The following CACHD1 variants were observed in gnomAD, a reference collection of about 807,000 sequenced individuals.
CACHD1 encodes the protein VWFA and cache domain-containing protein 1.
A neutral mutation model predicts 138.7 loss-of-function variants in CACHD1; 71 were observed. That is an observed-to-expected ratio of 0.51 (90% CI 0.42 to 0.62). CACHD1 has a LOEUF of 0.62. Ranked by LOEUF, CACHD1 falls within the 20% of genes least tolerant of loss-of-function variation. CACHD1 has a pLI of 0.00. For missense variants in CACHD1, 1,389 were observed against 1,625.3 expected (o/e 0.85, Z 2.50); for synonymous variants, 578 against 591.5 (o/e 0.98, Z 0.33).
At chr1:64,591,863 TG>T (rs1647109015) in intron 3 of CACHD1, among the ~76,000 whole-genome samples, 1 of 152,238 alleles carries the variant, frequency 6.6e-6, no homozygotes, top group Non-Finnish European at 1.5e-5. Flanking sequence ...TTGTTCTTTA[TG>T]TACTCTCTCA....
intron 5 of CACHD1, among the ~76,000 whole-genome samples, chr1:64,630,659 T>C (rs1002701442): frequency 1.3e-5 from 2 of 152,162 alleles, no homozygotes; most frequent in African/African-American, 4.8e-5. Flanking sequence ...CTTGGGTGTC[T>C]TGGAGACTGG....
intron 2 of CACHD1, among the ~76,000 whole-genome samples, chr1:64,574,101 T>C (rs1248486843): frequency 6.6e-6 from 1 of 152,210 alleles, no homozygotes; most frequent in South Asian, 2.1e-4. Context: ...GAGTAGAATT[T>C]AGATAATTTG....
chr1:64,543,866 C>CTTTTTTTTTTTTT (rs370129207), intron 1 of CACHD1, among the ~76,000 whole-genome samples: 7 of 77,504 alleles, frequency 9.0e-5, no homozygotes, highest in Non-Finnish European at 1.4e-4. Flanking sequence ...CTTTTCAGTG[C>CTTTTTTTTTTTTT]TTTTTTTTTT....
At chr1:64,610,408 G>C (rs965054868) in intron 4 of CACHD1, among the ~76,000 whole-genome samples, 3 of 152,294 alleles carry the variant, frequency 2.0e-5, no homozygotes, top group Middle Eastern at 3.4e-3. Context: ...AAAATCAAAA[G>C]CAAGTTAGTT....
intron 1 of CACHD1, among the ~76,000 whole-genome samples, chr1:64,547,299 A>G (rs1026563820): frequency 2.6e-5 from 4 of 152,214 alleles, no homozygotes; most frequent in African/African-American, 9.6e-5. Context: ...GACCTAGAGC[A>G]TAGTGAAAAT....
chr1:64,648,037 G>A lies in CACHD1; in HGVS notation c.1390+3G>A, dbSNP rs747977335. ...CTTCTCTGATGAGATGGGAGATGGTGAGTTTGGATAAACGTCATTTTAAAG... is the reference window on the plus strand; with the variant it reads ...CTTCTCTGATGAGATGGGAGATGGTAAGTTTGGATAAACGTCATTTTAAAG... On this transcript the variant is annotated splice_donor_region_variant and intron_variant, in intron 9 of 26. Coordinates refer to ENST00000651257, the MANE Select transcript of CACHD1 (RefSeq NM_020925.4). 2.5e-6 allele frequency: 4 copies of A among 1,604,964 alleles called. No homozygotes were observed. The highest frequency in any genetic ancestry group is 2.2e-5 in the East Asian group (1 of 44,722).
At chr1:64,581,142 A>T (rs1647009435) in intron 2 of CACHD1, among the ~76,000 whole-genome samples, 1 of 152,168 alleles carries the variant, frequency 6.6e-6, no homozygotes, top group Non-Finnish European at 1.5e-5. Context: ...TTTAATTGAG[A>T]CCCTGAAAGC....
intron 1 of CACHD1, among the ~76,000 whole-genome samples, chr1:64,507,638 C>T (rs1646387833): frequency 6.6e-6 from 1 of 152,102 alleles, no homozygotes; most frequent in Non-Finnish European, 1.5e-5. Context: ...AATGTGGAAA[C>T]TCAGGTTGTA....
intron 7 of CACHD1, among the ~76,000 whole-genome samples, chr1:64,636,128 G>C (rs1391826783): frequency 6.6e-6 from 1 of 151,260 alleles, no homozygotes; most frequent in African/African-American, 2.4e-5. Flanking sequence ...AAAAAAATCT[G>C]TTTATAGTTT....
chr1:64,568,782 A>T (rs898591464), intron 2 of CACHD1, among the ~76,000 whole-genome samples: 5 of 152,312 alleles, frequency 3.3e-5, no homozygotes, highest in Admixed American at 1.3e-4. Flanking sequence ...ACACTCATGC[A>T]CACACCCTGT....
At chr1:64,614,171 T>C (rs936851080) in intron 4 of CACHD1, among the ~76,000 whole-genome samples, 1 of 152,258 alleles carries the variant, frequency 6.6e-6, no homozygotes, top group Admixed American at 6.5e-5. Flanking sequence ...CACTAAGTAC[T>C]AGACCCCTGG....
In CACHD1 at chr1:64,511,148, G is replaced by C. The variant is rs149047517; in HGVS notation, c.199-39446G>C. On this transcript the variant is annotated intron_variant, in intron 1 of 26. Coordinates refer to ENST00000651257, the MANE Select transcript of CACHD1 (RefSeq NM_020925.4). ...TAAAGCAGATGGAGTACGGTATGTA[G>C]TAGGTTTGCAAATGAAGGAGACTAA... is the stretch of plus-strand genomic sequence containing the variant. 2.0e-3 allele frequency among the ~76,000 whole-genome samples: 302 copies of C among 152,354 alleles called. 1 individual carries two copies. The highest frequency in any genetic ancestry group is 6.9e-3 in the African/African-American group (288 of 41,586).
rs192984464 is a variant in CACHD1 at position 64,690,632 on chromosome 1, G to C, written c.3587-691G>C. On this transcript the variant is annotated intron_variant, in intron 26 of 26. Transcript: ENST00000651257. The stretch of plus-strand genomic sequence containing the variant: ...TGCCCTGGGTATATGTGGAGTTAGT[G>C]TTTCATTAGGCACTAGAACTTTGGG... 1.8e-3 allele frequency among the ~76,000 whole-genome samples: 271 copies of C among 152,290 alleles called. 1 individual carries two copies. Among genetic ancestry groups the C allele is most frequent in the African/African-American group, 6.2e-3 (257 of 41,552 alleles).
At chr1:64,544,104 C>G (rs1391512542) in intron 1 of CACHD1, among the ~76,000 whole-genome samples, 3 of 152,024 alleles carry the variant, frequency 2.0e-5, no homozygotes, top group Non-Finnish European at 4.4e-5. Flanking sequence ...ACCACAATGC[C>G]TGGAATCATA....
chr1:64,485,206 A>C (rs1024771206), intron 1 of CACHD1, among the ~76,000 whole-genome samples: 16 of 152,160 alleles, frequency 1.1e-4, no homozygotes, highest in South Asian at 2.1e-4. Flanking sequence ...TTTTTGTTGA[A>C]GTTTCATGAA....
chr1:64,629,405 A>C lies in CACHD1; in HGVS notation c.568A>C (p.Ser190Arg), dbSNP rs1648223288. 1 of 1,614,166 alleles carries C rather than the reference A, an allele frequency of 6.2e-7. No individual in the cohort carries two copies. The highest frequency in any genetic ancestry group is 8.5e-7 in the Non-Finnish European group (1 of 1,179,990). Residue 190 changes from serine to arginine, a missense_variant, in exon 5 of 27, where the codon AGT becomes CGT. Coordinates refer to ENST00000651257, the MANE Select transcript of CACHD1 (RefSeq NM_020925.4). ...CCCTGGAATTAAGTGGCAATATTTC[A>C]GTTCAGAAGAAGGAATTTTCACTGT... ...SNPGIKWQYFSSEEGIFTVFP... is the reference protein window; with the variant it reads ...SNPGIKWQYFRSEEGIFTVFP...
rs142235167 is a variant in CACHD1, at chr1:64,539,807, A to C, written c.199-10787A>C. On this transcript the variant is annotated intron_variant, in intron 1 of 26. Transcript: ENST00000651257. The stretch of plus-strand genomic sequence containing the variant: ...TGAATGCTCTGAAATGCTCTCACCC[A>C]AGCTTTTTTTCTCTTTTCCTATTTA... Among the ~76,000 whole-genome samples, 1,279 of 152,298 alleles carry C rather than the reference A, an allele frequency of 8.4e-3. 15 individuals are homozygous for C. Among genetic ancestry groups the C allele is most frequent in the African/African-American group, 0.029 (1,220 of 41,560 alleles).
At chr1:64,478,680 C>T (rs889227554) in intron 1 of CACHD1, among the ~76,000 whole-genome samples, 4 of 152,190 alleles carry the variant, frequency 2.6e-5, no homozygotes, top group Non-Finnish European at 2.9e-5. Flanking sequence ...TAGAAATAAA[C>T]GCTAAAATAT....
rs780707194 is a variant in CACHD1 at position 64,652,240 on chromosome 1, T to C, written c.1470T>C (p.Ala490=). Residue 490 remains alanine, a synonymous_variant, in exon 10 of 27, where the codon GCT becomes GCC. Transcript: ENST00000651257. ...TTGTAGGTGTGGACGTGAATCTGGCTTACATTCTTGAAGACGTGACGTATT... is the reference window on the plus strand; with the variant it reads ...TTGTAGGTGTGGACGTGAATCTGGCCTACATTCTTGAAGACGTGACGTATT... ...LGIVGVDVNL[A]YILEDVTYYQ... The C allele has an allele frequency of 1.2e-6, 2 of 1,613,894 alleles. No individual in the cohort carries two copies. Among genetic ancestry groups the C allele is most frequent in the Non-Finnish European group, 1.7e-6 (2 of 1,179,802 alleles).
Sources: gnomAD v4.1 joint callset for allele counts (sites outside exome capture counted in the v4.1 genomes callset) on GRCh38, gnomAD v4.1.1 for gene constraint, MANE v1.5 for transcripts, NCBI Gene and HGNC (gene_info 2026-07-23, HGNC 2026-07-21) for gene names.